ABLIM1: variants seen among roughly 807,000 people sequenced by gnomAD.
The protein encoded by ABLIM1 is actin-binding LIM protein 1.
In ABLIM1, 40 loss-of-function variants were observed where a neutral mutation model predicts 107.0. The ratio of observed to expected loss-of-function variants is 0.37; its 90% CI spans 0.29 to 0.49. The LOEUF (loss-of-function observed/expected upper bound fraction) is 0.49, where lower values mean the gene tolerates loss of function less well. Ranked by LOEUF, ABLIM1 falls within the 20% of genes least tolerant of loss-of-function variation. The probability of loss-of-function intolerance (pLI) is 0.97; values close to 1 mark genes in which losing one functional copy is unlikely to be tolerated. For missense variants in ABLIM1, 857 were observed against 1,008.5 expected (o/e 0.85, Z 2.04); for synonymous variants, 357 against 357.3 (o/e 1.00, Z 0.01).
intron 1 of ABLIM1, among the ~76,000 whole-genome samples, chr10:114,729,231 TCTC>T (rs1300206945): frequency 1.3e-5 from 2 of 152,030 alleles, no homozygotes; most frequent in Non-Finnish European, 2.9e-5. Context: ...AAGCCAATGT[TCTC>T]CACCATGACG....
At chr10:114,793,448 C>A in the ABLIM1 span, among the ~76,000 whole-genome samples, 1 of 152,200 alleles carries the variant, frequency 6.6e-6, no homozygotes, top group Non-Finnish European at 1.5e-5. Flanking sequence ...CACCATGCTT[C>A]CTGTACAGCC....
At chr10:114,656,251 CA>C (rs2079511225) in intron 1 of ABLIM1, among the ~76,000 whole-genome samples, 1 of 36,168 alleles carries the variant, frequency 2.8e-5, no homozygotes, top group South Asian at 8.9e-4. Context: ...GCCTGGGCAA[CA>C]AAGCAAAACT....
chr10:114,798,577 A>T, the ABLIM1 span, among the ~76,000 whole-genome samples: 2 of 142,434 alleles, frequency 1.4e-5, no homozygotes, highest in Non-Finnish European at 3.1e-5. Flanking sequence ...ATGTCTACAA[A>T]AATTTAAAAA....
intron 16 of ABLIM1, 105 bp from the exon 17 acceptor site, chr10:114,444,239 T>C: frequency 1.0e-6 from 1 of 994,628 alleles, no homozygotes; most frequent in Non-Finnish European, 1.5e-6. Flanking sequence ...GAAGTTTCTC[T>C]TGCTGGAGGG....
intron 1 of ABLIM1, among the ~76,000 whole-genome samples, chr10:114,745,807 C>T (rs1290933610): frequency 6.6e-6 from 1 of 152,098 alleles, no homozygotes; most frequent in Admixed American, 6.5e-5. Flanking sequence ...CGCCATTGCT[C>T]TCCAGCCTGG....
At chr10:114,754,509 AAAAAGTTTGG>A (rs1358634143) in intron 1 of ABLIM1, among the ~76,000 whole-genome samples, 10 of 152,318 alleles carry the variant, frequency 6.6e-5, no homozygotes, top group Middle Eastern at 3.4e-3. Flanking sequence ...TGCTAACATG[AAAAAGTTTGG>A]GTGGGAAGAA....
chr10:114,446,558 T>C (rs1467457643), intron 15 of ABLIM1, among the ~76,000 whole-genome samples: 1 of 152,242 alleles, frequency 6.6e-6, no homozygotes, highest in Non-Finnish European at 1.5e-5. Flanking sequence ...AAATAAACTT[T>C]AACTAATAGT....
At chr10:114,775,237 A>C in the ABLIM1 span, among the ~76,000 whole-genome samples, 1 of 152,128 alleles carries the variant, frequency 6.6e-6, no homozygotes, top group Non-Finnish European at 1.5e-5. Flanking sequence ...TCCCTCCCTC[A>C]AAATGTGGGG....
chr10:114,490,238 C>T (rs2058734811), intron 7 of ABLIM1, among the ~76,000 whole-genome samples: 1 of 152,206 alleles, frequency 6.6e-6, no homozygotes, highest in Non-Finnish European at 1.5e-5. Flanking sequence ...GATGCGGGTG[C>T]TTGTCACTTG....
At chr10:114,774,750 T>G in the ABLIM1 span, among the ~76,000 whole-genome samples, 1 of 152,002 alleles carries the variant, frequency 6.6e-6, no homozygotes, top group Non-Finnish European at 1.5e-5. Context: ...GGGGCAGCAT[T>G]TGGTAGAGCA....
At chr10:114,754,493 G>A (rs1189369679) in intron 1 of ABLIM1, among the ~76,000 whole-genome samples, 3 of 152,200 alleles carry the variant, frequency 2.0e-5, no homozygotes, top group Non-Finnish European at 4.4e-5. Context: ...AGTTCAGTGT[G>A]TTGGATGCTA....
the ABLIM1 span, among the ~76,000 whole-genome samples, chr10:114,781,552 ATGTG>A: frequency 0.58 from 86,821 of 148,912 alleles, 25,548 homozygotes; most frequent in Non-Finnish European, 0.64. Flanking sequence ...ATATCTATAT[ATGTG>A]TGTGTGTGTG....
chr10:114,730,397 C>CAA lies in ABLIM1; in HGVS notation c.-213+37662_-213+37663dup, dbSNP rs59713925. Among the ~76,000 whole-genome samples, 247 of 72,382 alleles carry CAA rather than the reference C, an allele frequency of 3.4e-3. 3 individuals are homozygous for CAA. Among genetic ancestry groups the CAA allele is most frequent in the Middle Eastern group, 7.6e-3 (1 of 132 alleles). 47.5% of individuals were successfully genotyped at this position (72,382 alleles called of 152,430 possible). On this transcript the variant is annotated intron_variant, in intron 1 of 15. Coordinates refer to the ABLIM1 transcript ENST00000651092. Reference sequence around the variant, plus strand: ...TGGTCAACAGTGTGAAACTCCATCTCAAAAAAAAAAAAAAAAAAAAAAGAA... The same window carrying CAA: ...TGGTCAACAGTGTGAAACTCCATCTCAAAAAAAAAAAAAAAAAAAAAAAAGAA...
intron 12 of ABLIM1, among the ~76,000 whole-genome samples, chr10:114,453,959 G>A (rs1185584121): frequency 6.6e-6 from 1 of 152,188 alleles, no homozygotes; most frequent in African/African-American, 2.4e-5. Context: ...TTAAGTCTGG[G>A]AACCCGTGTG....
chr10:114,468,991 G>T (rs1287053357), intron 10 of ABLIM1, among the ~76,000 whole-genome samples: 1 of 145,348 alleles, frequency 6.9e-6, no homozygotes, highest in Non-Finnish European at 1.5e-5. Context: ...GGCGAAGCTT[G>T]CAGTGAGCCG....
At chr10:114,512,963 TA>T (rs2062160650) in intron 6 of ABLIM1, among the ~76,000 whole-genome samples, 1 of 151,938 alleles carries the variant, frequency 6.6e-6, no homozygotes, top group South Asian at 2.1e-4. Context: ...ATTTTGCTTT[TA>T]TTACTTATAT....
rs181799974 is a variant in ABLIM1, at chr10:114,584,509, G to A, written c.380-8910C>T. On this transcript the variant is annotated intron_variant, in intron 2 of 22. Coordinates refer to ENST00000533213, the MANE Select transcript of ABLIM1 (RefSeq NM_002313.7). ...GAAACCCAGAGCAGTGTAGCTGAAA[G>A]TACCACACACGGCAGCTCAAAAGTA... 4.6e-3 allele frequency among the ~76,000 whole-genome samples: 697 copies of A among 152,160 alleles called. 3 individuals are homozygous for A. Among genetic ancestry groups the A allele is most frequent in the Non-Finnish European group, 6.2e-3 (424 of 68,002 alleles).
chr10:114,714,672 A>G (rs2081622035), intron 1 of ABLIM1, among the ~76,000 whole-genome samples: 1 of 152,162 alleles, frequency 6.6e-6, no homozygotes, highest in Non-Finnish European at 1.5e-5. Flanking sequence ...GGGATGATAC[A>G]TACACTCAGA....
chr10:114,607,032 T>A (rs1049125301), intron 1 of ABLIM1, among the ~76,000 whole-genome samples: 1 of 152,180 alleles, frequency 6.6e-6, no homozygotes, highest in Non-Finnish European at 1.5e-5. Context: ...AACTCCTTTT[T>A]CTCAGATTAC....
Sources: gnomAD v4.1 joint callset for allele counts (sites outside exome capture counted in the v4.1 genomes callset) on GRCh38, gnomAD v4.1.1 for gene constraint, MANE v1.5 for transcripts, NCBI Gene and HGNC (gene_info 2026-07-23, HGNC 2026-07-21) for gene names.